SORCS1: variants seen among roughly 807,000 people sequenced by gnomAD.
SORCS1 encodes VPS10 domain-containing receptor SorCS1.
In SORCS1, 60 loss-of-function variants were observed where a neutral mutation model predicts 146.1. The ratio of observed to expected loss-of-function variants is 0.41; its 90% CI spans 0.33 to 0.51. The LOEUF is 0.51. Ranked by LOEUF, SORCS1 falls within the 20% of genes least tolerant of loss-of-function variation. The probability of loss-of-function intolerance (pLI) is 0.21; values close to 1 mark genes in which losing one functional copy is unlikely to be tolerated. For missense variants in SORCS1, 1,352 were observed against 1,487.6 expected (o/e 0.91, Z 1.50); for synonymous variants, 637 against 584.0 (o/e 1.09, Z -1.31).
At chr10:106,980,542 C>G (rs1956209565) in intron 1 of SORCS1, among the ~76,000 whole-genome samples, 4 of 152,194 alleles carry the variant, frequency 2.6e-5, no homozygotes. Context: ...TTAGTTATTT[C>G]TATTAGGTGA....
At chr10:106,607,856 C>A (rs879770717) in intron 22 of SORCS1, among the ~76,000 whole-genome samples, 4 of 152,120 alleles carry the variant, frequency 2.6e-5, no homozygotes, top group Non-Finnish European at 2.9e-5. Context: ...AAGAGGACAT[C>A]CCCATATCAC....
chr10:106,588,284 A>T (rs1402806396), intron 24 of SORCS1, among the ~76,000 whole-genome samples: 3 of 152,192 alleles, frequency 2.0e-5, no homozygotes, highest in Non-Finnish European at 4.4e-5. Context: ...TCATTTGCCC[A>T]TTCTGCCAAT....
At chr10:107,047,531 T>G (rs1959625722) in intron 1 of SORCS1, among the ~76,000 whole-genome samples, 1 of 152,176 alleles carries the variant, frequency 6.6e-6, no homozygotes, top group South Asian at 2.1e-4. Flanking sequence ...TTATTCTGAT[T>G]ATCAGAAAAA....
At chr10:106,619,835 C>T (rs1847619502) in intron 20 of SORCS1, among the ~76,000 whole-genome samples, 2 of 152,114 alleles carry the variant, frequency 1.3e-5, no homozygotes, top group Non-Finnish European at 2.9e-5. Context: ...GACTTTTGAG[C>T]ATAGGGAATA....
chr10:106,816,276 T>C (rs1472928231), intron 3 of SORCS1, among the ~76,000 whole-genome samples: 4 of 152,252 alleles, frequency 2.6e-5, no homozygotes, highest in African/African-American at 7.2e-5. Context: ...CTTGCTACAA[T>C]GAACATCTGT....
intron 4 of SORCS1, among the ~76,000 whole-genome samples, chr10:106,764,136 A>G (rs1057052218): frequency 1.3e-5 from 2 of 152,192 alleles, no homozygotes; most frequent in South Asian, 4.1e-4. Context: ...ACACACATCC[A>G]CAAAACCCTA....
chr10:106,616,593 C>T (rs1589482077), intron 21 of SORCS1, among the ~76,000 whole-genome samples: 2 of 152,158 alleles, frequency 1.3e-5, no homozygotes, highest in Admixed American at 1.3e-4. Context: ...TGTTTGGCCA[C>T]CTCGTACCTT....
chr10:106,898,010 A>G (rs899121496), intron 2 of SORCS1, among the ~76,000 whole-genome samples: 56 of 152,222 alleles, frequency 3.7e-4, no homozygotes, highest in African/African-American at 1.3e-3. Flanking sequence ...CTGCAGATAA[A>G]TTCCCCTTCA....
chr10:107,082,796 G>C (rs1342711339), intron 1 of SORCS1, among the ~76,000 whole-genome samples: 3 of 151,980 alleles, frequency 2.0e-5, no homozygotes, highest in African/African-American at 4.8e-5. Flanking sequence ...ATTTTGTTTT[G>C]TTTTTACAAA....
intron 1 of SORCS1, among the ~76,000 whole-genome samples, chr10:107,034,687 A>AC (rs1958812295): frequency 7.0e-6 from 1 of 142,962 alleles, no homozygotes; most frequent in African/African-American, 2.5e-5. Context: ...TCTCAAAAAA[A>AC]AAAAAAAAAA....
At chr10:107,100,019 A>T (rs1055658317) in intron 1 of SORCS1, among the ~76,000 whole-genome samples, 7 of 152,212 alleles carry the variant, frequency 4.6e-5, no homozygotes, top group African/African-American at 1.4e-4. Context: ...AGAAAGGGGC[A>T]GACATGTCTG....
chr10:106,824,698 C>T (rs1021467106), intron 3 of SORCS1, among the ~76,000 whole-genome samples: 1 of 152,030 alleles, frequency 6.6e-6, no homozygotes, highest in African/African-American at 2.4e-5. Flanking sequence ...TAATCAAACC[C>T]TTATTTAGAA....
intron 3 of SORCS1, among the ~76,000 whole-genome samples, chr10:106,792,797 T>C (rs972586277): frequency 4.6e-5 from 7 of 152,240 alleles, no homozygotes; most frequent in Middle Eastern, 3.2e-3. Context: ...CTTATGTGCC[T>C]TGTCTATAAA....
chr10:107,051,306 C>A (rs1429575500), intron 1 of SORCS1, among the ~76,000 whole-genome samples: 1 of 152,106 alleles, frequency 6.6e-6, no homozygotes, highest in African/African-American at 2.4e-5. Context: ...GAGCTGAAAT[C>A]TTACCAGCCA....
At chr10:107,019,129 T>G (rs1435100591) in intron 1 of SORCS1, among the ~76,000 whole-genome samples, 1 of 152,226 alleles carries the variant, frequency 6.6e-6, no homozygotes, top group Non-Finnish European at 1.5e-5. Context: ...AAGCATCACA[T>G]AAATATATGA....
At chr10:106,932,955 A>G (rs1209367267) in intron 2 of SORCS1, among the ~76,000 whole-genome samples, 1 of 152,326 alleles carries the variant, frequency 6.6e-6, no homozygotes, top group African/African-American at 2.4e-5. Flanking sequence ...GATCTCTGTC[A>G]ACATTAATTT....
intron 3 of SORCS1, among the ~76,000 whole-genome samples, chr10:106,824,975 A>C (rs1474927220): frequency 6.6e-6 from 1 of 152,222 alleles, no homozygotes; most frequent in Non-Finnish European, 1.5e-5. Flanking sequence ...TCTTTGCTAG[A>C]TAGTGTGCTG....
chr10:107,006,631 C>A (rs1957454315), intron 1 of SORCS1, among the ~76,000 whole-genome samples: 1 of 152,158 alleles, frequency 6.6e-6, no homozygotes, highest in Non-Finnish European at 1.5e-5. Flanking sequence ...TCCTGGCTAA[C>A]ACGGTGAAAC....
chr10:106,986,529 T>C (rs1956481133), intron 1 of SORCS1, among the ~76,000 whole-genome samples: 1 of 92,866 alleles, frequency 1.1e-5, no homozygotes, highest in Non-Finnish European at 3.0e-5. Flanking sequence ...TGTGTGTGTG[T>C]GTGTGTGTGT....
Sources: allele counts gnomAD v4.1 joint callset (sites outside exome capture counted in the v4.1 genomes callset), GRCh38; gene constraint gnomAD v4.1.1; transcripts MANE v1.5; gene names NCBI Gene and HGNC (gene_info 2026-07-23, HGNC 2026-07-21).